The following PXYLP1 variants were observed in gnomAD, a reference collection of about 807,000 sequenced individuals.
PXYLP1 encodes the protein 2-phosphoxylose phosphatase 1.
In PXYLP1, 17 loss-of-function variants were observed where a neutral mutation model predicts 37.9. The observed-to-expected ratio is 0.45, with a 90% CI of 0.31 to 0.67. PXYLP1 has a LOEUF of 0.67. Ranked by LOEUF, PXYLP1 falls within the 30% of genes least tolerant of loss-of-function variation. PXYLP1 has a pLI of 0.07. For synonymous variants in PXYLP1, 221 were observed against 232.2 expected (o/e 0.95, Z 0.44); for missense variants, 511 against 612.0 (o/e 0.84, Z 1.74).
At chr3:141,269,590 A>G (rs909134844) in intron 2 of PXYLP1, among the ~76,000 whole-genome samples, 2 of 152,080 alleles carry the variant, frequency 1.3e-5, no homozygotes, top group Non-Finnish European at 2.9e-5. Flanking sequence ...GCATTGTCCC[A>G]TGGGGTTTCA....
chr3:141,233,270 C>T (rs1343735316), intron 1 of PXYLP1, among the ~76,000 whole-genome samples: 2 of 152,104 alleles, frequency 1.3e-5, no homozygotes, highest in East Asian at 3.8e-4. Flanking sequence ...GAGTTCGAGA[C>T]TAGCCTGACC....
intron 2 of PXYLP1, chr3:141,267,739 A>G (rs1028216447): frequency 3.9e-5 from 6 of 152,144 alleles, no homozygotes; most frequent in African/African-American, 1.4e-4. Flanking sequence ...GTCATGTAGC[A>G]GGTTCTTCTG....
chr3:141,280,710 G>C (rs1941932962), intron 4 of PXYLP1, among the ~76,000 whole-genome samples: 1 of 152,214 alleles, frequency 6.6e-6, no homozygotes, highest in African/African-American at 2.4e-5. Flanking sequence ...TGTGGGATCT[G>C]GGTCACGAGC....
At chr3:141,252,073 C>T (rs922622218) in intron 1 of PXYLP1, among the ~76,000 whole-genome samples, 3 of 152,162 alleles carry the variant, frequency 2.0e-5, no homozygotes, top group Non-Finnish European at 4.4e-5. Flanking sequence ...CTCATTATCA[C>T]GTAGAGCAGG....
chr3:141,232,250 C>T (rs1940534815), intron 1 of PXYLP1: 1 of 152,456 alleles, frequency 6.6e-6, no homozygotes, highest in South Asian at 2.1e-4. Flanking sequence ...CTGCGAACCC[C>T]CGGCTCTGTC....
chr3:141,261,342 C>T (rs1045092427), intron 2 of PXYLP1, among the ~76,000 whole-genome samples: 3 of 152,136 alleles, frequency 2.0e-5, no homozygotes, highest in Admixed American at 2.0e-4. Flanking sequence ...TTTATAGCGA[C>T]AGGGCAGGGT....
At chr3:141,237,366 T>C (rs911764339) in intron 1 of PXYLP1, among the ~76,000 whole-genome samples, 4 of 152,238 alleles carry the variant, frequency 2.6e-5, no homozygotes, top group African/African-American at 9.6e-5. Context: ...TTCCTAATAC[T>C]AGAGTACCTG....
intron 1 of PXYLP1, among the ~76,000 whole-genome samples, chr3:141,251,259 C>G (rs1941133365): frequency 6.6e-6 from 1 of 152,238 alleles, no homozygotes. Context: ...TTGGGGTTAT[C>G]TAGGGTCCTT....
intron 5 of PXYLP1, among the ~76,000 whole-genome samples, chr3:141,290,038 AT>A (rs1277251638): frequency 6.6e-6 from 1 of 151,992 alleles, no homozygotes; most frequent in Non-Finnish European, 1.5e-5. Context: ...GGTCATTTTT[AT>A]TTCTATTTTA....
At chr3:141,236,265 G>C (rs992840284) in intron 1 of PXYLP1, 1 of 152,172 alleles carries the variant, frequency 6.6e-6, no homozygotes, top group Non-Finnish European at 1.5e-5. Flanking sequence ...ACACACTCAT[G>C]TTTCAGTTTA....
At chr3:141,238,921 A>G (rs1233101881) in intron 1 of PXYLP1, among the ~76,000 whole-genome samples, 1 of 152,162 alleles carries the variant, frequency 6.6e-6, no homozygotes, top group Admixed American at 6.5e-5. Flanking sequence ...TAGGCTGAGA[A>G]GGAGGAAGAG....
intron 4 of PXYLP1, among the ~76,000 whole-genome samples, chr3:141,282,758 A>C (rs1361556546): frequency 2.6e-5 from 4 of 152,206 alleles, no homozygotes; most frequent in Non-Finnish European, 5.9e-5. Flanking sequence ...AGGTGGGATC[A>C]ATAGGACTTG....
Position 141,292,833 on chromosome 3 carries a change from C to T in PXYLP1, c.1071C>T (p.Ile357=), listed in dbSNP as rs376846175. The T allele has an allele frequency of 1.3e-4, 217 of 1,613,776 alleles. No homozygotes were observed. Among genetic ancestry groups the T allele is most frequent in the Non-Finnish European group, 1.6e-4 (191 of 1,179,916 alleles). Residue 357 remains isoleucine (I), a synonymous_variant, in exon 6 of 6, where the codon ATC becomes ATT. Transcript: ENST00000286353. The surrounding 1 kb of genome is among the most constrained non-coding windows in gnomAD (Gnocchi z 4.3). ...CCCACCCCATCCTGAACCAAACCAT[C>T]GGCCGGATGCAGCGTGCCACCGAGG... The part of the protein sequence containing the change: ...LGAHPILNQT[I]GRMQRATEGR...
intron 2 of PXYLP1, chr3:141,272,705 C>CCACTCCTGG (rs1203970946): frequency 6.6e-6 from 1 of 152,116 alleles, no homozygotes; most frequent in African/African-American, 2.4e-5. Flanking sequence ...AACTTGGATC[C>CCACTCCTGG]GATGTTCAAG....
At chr3:141,291,966 C>G (rs1348102193) in intron 5 of PXYLP1, among the ~76,000 whole-genome samples, 1 of 152,236 alleles carries the variant, frequency 6.6e-6, no homozygotes, top group Non-Finnish European at 1.5e-5. Flanking sequence ...TGAGACCAAC[C>G]AGTCACAACA....
chr3:141,235,252 C>T (rs768970817), intron 1 of PXYLP1: 6 of 152,266 alleles, frequency 3.9e-5, no homozygotes, highest in Non-Finnish European at 8.8e-5. Context: ...TGAAAGCCAG[C>T]TGAGACTTGG....
At chr3:141,288,310 G>C (rs375999329) in intron 5 of PXYLP1, among the ~76,000 whole-genome samples, 1 of 152,182 alleles carries the variant, frequency 6.6e-6, no homozygotes, top group South Asian at 2.1e-4. Flanking sequence ...TCTTGCATCA[G>C]CATCTTAGGA....
chr3:141,273,338 T>G lies in PXYLP1; in HGVS notation c.80-5004T>G, dbSNP rs1298392456. 4 of 985,358 alleles carry G rather than the reference T, an allele frequency of 4.1e-6. No homozygotes were observed. In the East Asian group the frequency reaches 4.5e-4, roughly 112 times the overall value. The allele number at this position is 985,358 out of a possible 1,614,324, so 61.0% of individuals were successfully genotyped here. A position where few individuals can be genotyped will look rare whatever the true frequency, so the allele number is the denominator to read the frequency against. On this transcript the variant is annotated intron_variant, in intron 2 of 5. Coordinates refer to ENST00000286353, the MANE Select transcript of PXYLP1 (RefSeq NM_001037172.3). ...AGGACCTTAGGTAACTCCCTTGACC[T>G]GCCTCTGCCTAAGGTCTACTGTCTG...
chr3:141,259,553 A>G (rs1476118309), intron 1 of PXYLP1, among the ~76,000 whole-genome samples: 3 of 152,226 alleles, frequency 2.0e-5, no homozygotes, highest in Non-Finnish European at 4.4e-5. Flanking sequence ...GTGGTCCAGG[A>G]TGAAGGGAGG....
Sources: gnomAD v4.1 joint callset for allele counts (sites outside exome capture counted in the v4.1 genomes callset) on GRCh38, gnomAD v4.1.1 for gene constraint, Gnocchi (gnomAD v3.1) non-coding constraint, MANE v1.5 for transcripts, NCBI Gene and HGNC (gene_info 2026-07-23, HGNC 2026-07-21) for gene names.